The following TBC1D5 variants were observed in gnomAD, a reference collection of about 807,000 sequenced individuals.
The protein encoded by TBC1D5 is TBC1 domain family member 5, also known as TBC1 domain family, member 5.
A neutral mutation model predicts 100.3 loss-of-function variants in TBC1D5; 75 were observed. The ratio of observed to expected loss-of-function variants is 0.75; its 90% CI spans 0.62 to 0.91. The LOEUF (loss-of-function observed/expected upper bound fraction) is 0.91. Among genes scored for constraint, TBC1D5 ranks in the 40% least tolerant of loss-of-function variants. The probability of loss-of-function intolerance (pLI) is 0.00; values close to 1 mark genes in which losing one functional copy is unlikely to be tolerated. For missense variants in TBC1D5, 910 were observed against 942.4 expected, an observed-to-expected ratio of 0.97 and a Z score of 0.45; for synonymous variants, 323 against 325.6, an observed-to-expected ratio of 0.99 and a Z score of 0.09.
intron 20 of TBC1D5, 135 bp from the exon 22 acceptor site, chr3:17,167,063 T>C (rs1052270916): frequency 2.9e-5 from 26 of 900,300 alleles, no homozygotes; most frequent in African/African-American, 6.8e-5. Context: ...TATTTTACTA[T>C]AAGAAACAAA....
chr3:17,548,799 A>G (rs1321447815), intron 2 of TBC1D5, among the ~76,000 whole-genome samples: 1 of 152,202 alleles, frequency 6.6e-6, no homozygotes, highest in Non-Finnish European at 1.5e-5. Context: ...AAAGAATTAT[A>G]TGTGTTACTT....
intron 21 of TBC1D5, among the ~76,000 whole-genome samples, chr3:17,165,548 T>C (rs2066512059): frequency 6.6e-6 from 1 of 152,192 alleles, no homozygotes; most frequent in African/African-American, 2.4e-5. Context: ...CCATGAACAT[T>C]TCATATGGCT....
At chr3:17,229,692 A>G (rs1258537133) in intron 17 of TBC1D5, among the ~76,000 whole-genome samples, 2 of 152,112 alleles carry the variant, frequency 1.3e-5, no homozygotes, top group Non-Finnish European at 2.9e-5. Context: ...TACAAATAAG[A>G]GGTTAAGTAA....
At chr3:17,615,787 A>C (rs548543585) in intron 2 of TBC1D5, among the ~76,000 whole-genome samples, 1 of 151,970 alleles carries the variant, frequency 6.6e-6, no homozygotes, top group East Asian at 1.9e-4. Context: ...TTTCTTCTTT[A>C]TTAGTCTTGC....
At chr3:17,630,544 T>TG (rs1179969932) in intron 1 of TBC1D5, among the ~76,000 whole-genome samples, 1 of 152,190 alleles carries the variant, frequency 6.6e-6, no homozygotes, top group Non-Finnish European at 1.5e-5. Context: ...GTGTTCTGAC[T>TG]GCTCCACAGA....
chr3:17,278,905 G>A (rs2733481), intron 15 of TBC1D5, among the ~76,000 whole-genome samples: 59,215 of 152,044 alleles, frequency 0.39, 12,250 homozygotes, highest in Middle Eastern at 0.5. Context: ...GAGAAATTAT[G>A]ATTCTGTAAC....
intron 18 of TBC1D5, among the ~76,000 whole-genome samples, chr3:17,210,227 G>C (rs141318851): frequency 6.7e-6 from 1 of 149,004 alleles, no homozygotes; most frequent in Non-Finnish European, 1.5e-5. Flanking sequence ...TTGCTCTGTC[G>C]CCCAGGCCTG....
chr3:17,163,439 C>T (rs2066284763), intron 21 of TBC1D5, among the ~76,000 whole-genome samples: 2 of 152,142 alleles, frequency 1.3e-5, no homozygotes, highest in Non-Finnish European at 2.9e-5. Context: ...GCCTTAACTG[C>T]TATCTGGTGC....
chr3:17,356,007 C>T (rs75892898), intron 13 of TBC1D5, among the ~76,000 whole-genome samples: 3,419 of 152,030 alleles, frequency 0.022, 125 homozygotes, highest in African/African-American at 0.077. Flanking sequence ...AATGACCATG[C>T]TTTAGAAAAA....
chr3:17,170,589 C>G (rs1240978725), intron 19 of TBC1D5, among the ~76,000 whole-genome samples: 1 of 152,098 alleles, frequency 6.6e-6, no homozygotes, highest in Non-Finnish European at 1.5e-5. Context: ...CTTCTGCCCC[C>G]AAGGTAATGG....
intron 18 of TBC1D5, among the ~76,000 whole-genome samples, chr3:17,186,248 G>C (rs920601824): frequency 6.6e-6 from 1 of 152,040 alleles, no homozygotes; most frequent in Admixed American, 6.5e-5. Flanking sequence ...CTTTCTCTTT[G>C]AGAATGAGTA....
chr3:17,262,476 ATGT>A (rs764521270), intron 15 of TBC1D5, among the ~76,000 whole-genome samples: 3 of 134,818 alleles, frequency 2.2e-5, no homozygotes, highest in Admixed American at 7.6e-5. Context: ...TTCCAAAACA[ATGT>A]TTTTTTTTTT....
At chr3:17,334,169 G>A (rs567770466) in intron 13 of TBC1D5, among the ~76,000 whole-genome samples, 2 of 152,014 alleles carry the variant, frequency 1.3e-5, no homozygotes, top group South Asian at 2.1e-4. Flanking sequence ...AAATATGACC[G>A]TGAGAGTGAG....
At chr3:17,539,231 T>C (rs548044483) in intron 2 of TBC1D5, among the ~76,000 whole-genome samples, 7 of 152,032 alleles carry the variant, frequency 4.6e-5, no homozygotes, top group East Asian at 1.9e-4. Context: ...AGGGAGTGTC[T>C]GGGTTAAGAT....
intron 2 of TBC1D5, among the ~76,000 whole-genome samples, chr3:17,520,737 A>T (rs2096055618): frequency 6.6e-6 from 1 of 152,186 alleles, no homozygotes; most frequent in South Asian, 2.1e-4. Context: ...TTTAAATTTC[A>T]GAAAAACAAC....
At chr3:17,430,367 T>C (rs1255152138) in intron 3 of TBC1D5, among the ~76,000 whole-genome samples, 1 of 151,804 alleles carries the variant, frequency 6.6e-6, no homozygotes, top group Non-Finnish European at 1.5e-5. Context: ...TCAGATCAAA[T>C]ATAAAATCCT....
intron 13 of TBC1D5, among the ~76,000 whole-genome samples, chr3:17,322,333 G>C (rs767621894): frequency 1.3e-5 from 2 of 152,162 alleles, no homozygotes; most frequent in Non-Finnish European, 2.9e-5. Context: ...TCTTGTAATA[G>C]AATAGGGTTG....
At chr3:17,178,212 C>T (rs990221832) in intron 19 of TBC1D5, among the ~76,000 whole-genome samples, 1 of 151,972 alleles carries the variant, frequency 6.6e-6, no homozygotes, top group Non-Finnish European at 1.5e-5. Context: ...ACTACATGCG[C>T]CCACCACCAC....
intron 18 of TBC1D5, among the ~76,000 whole-genome samples, chr3:17,207,567 G>A (rs1396768052): frequency 1.3e-5 from 2 of 152,114 alleles, no homozygotes; most frequent in African/African-American, 4.8e-5. Flanking sequence ...GCTGAATCTT[G>A]CCCTCTTTCA....
Sources: gnomAD v4.1 joint callset for allele counts (sites outside exome capture counted in the v4.1 genomes callset) on GRCh38, gnomAD v4.1.1 for gene constraint, MANE v1.5 for transcripts, NCBI Gene and HGNC (gene_info 2026-07-23, HGNC 2026-07-21) for gene names.